Variants in AASS observed in about 807,000 individuals in gnomAD.
AASS encodes alpha-aminoadipic semialdehyde synthase, mitochondrial.
Under a neutral mutation model 105.4 loss-of-function variants are expected in AASS, and 86 were observed. The ratio of observed to expected loss-of-function variants is 0.82; its 90% CI spans 0.69 to 0.98. The LOEUF (loss-of-function observed/expected upper bound fraction) is 0.98. Among genes scored for constraint, AASS ranks in the 50% least tolerant of loss-of-function variants. AASS has a pLI of 0.00. For missense variants in AASS, 1,048 were observed against 1,143.2 expected (o/e 0.92, Z 1.20); for synonymous variants, 381 against 394.8 (o/e 0.96, Z 0.41).
At chr7:122,083,928 G>A (rs759538991) in intron 19 of AASS, among the ~76,000 whole-genome samples, 1 of 152,028 alleles carries the variant, frequency 6.6e-6, no homozygotes, top group Non-Finnish European at 1.5e-5. Context: ...TCATGATTAC[G>A]AACACTGTGA....
At position 122,098,864 on chromosome 7, in the gene AASS, T is replaced by G. The variant is rs570961716; in HGVS notation, c.1409A>C (p.Glu470Ala). ...KYIQTLRESRERAQSLSMGTR... is the reference protein window; with the variant it reads ...KYIQTLRESRARAQSLSMGTR... ...GCCCATTGAAAGTGACTGAGCACGT[T>G]CCCTATTTAAAAAAAAAAAAAAAAA... The change falls in exon 14 of 24, where the codon GAA (glutamate) becomes GCA (alanine). Residue 470 changes from glutamate to alanine, a missense_variant and splice_region_variant. Physicochemically the swap from Glu to Ala is moderately radical, Grantham distance 107. Coordinates refer to ENST00000417368, the MANE Select transcript of AASS (RefSeq NM_005763.4). 6.1e-6 allele frequency: 9 copies of G among 1,467,658 alleles called. No individual in the cohort carries two copies. Among genetic ancestry groups the G allele is most frequent in the Non-Finnish European group, 8.2e-6 (9 of 1,097,336 alleles). 90.9% of individuals were successfully genotyped at this position (1,467,658 alleles called of 1,614,324 possible).
intron 23 of AASS, among the ~76,000 whole-genome samples, chr7:122,077,269 T>C: frequency 6.6e-6 from 1 of 152,236 alleles, no homozygotes; most frequent in Non-Finnish European, 1.5e-5. Flanking sequence ...TGTGATCTTC[T>C]AGGGAGAGTG....
intron 15 of AASS, among the ~76,000 whole-genome samples, chr7:122,094,865 G>A (rs1221787406): frequency 6.6e-6 from 1 of 151,946 alleles, no homozygotes; most frequent in African/African-American, 2.4e-5. Flanking sequence ...TAATACATGG[G>A]CCATCTTGAC....
intron 4 of AASS, among the ~76,000 whole-genome samples, chr7:122,125,249 G>A (rs1795605821): frequency 6.6e-6 from 1 of 152,012 alleles, no homozygotes; most frequent in Non-Finnish European, 1.5e-5. Context: ...AGAATTTTTT[G>A]AATTTCACAT....
rs528018319 is a variant in AASS at position 122,074,099 on chromosome 7, G to A, written c.*2390C>T. Among the ~76,000 whole-genome samples, 51 of 152,186 alleles carry A rather than the reference G, an allele frequency of 3.4e-4. No individual in the cohort carries two copies. The East Asian group carries it at 8.3e-3, about 25-fold the overall frequency. On this transcript the variant is annotated 3_prime_UTR_variant, in exon 24 of 24. Transcript: ENST00000417368. Reference sequence around the variant, plus strand: ...TATATCACGTGGGTATCCACCAACAGTGCATGAGGGTTCCAATTTCTCTGC... The same window carrying A: ...TATATCACGTGGGTATCCACCAACAATGCATGAGGGTTCCAATTTCTCTGC...
chr7:122,078,483 G>A (rs547298029), intron 22 of AASS, among the ~76,000 whole-genome samples: 13 of 151,998 alleles, frequency 8.6e-5, no homozygotes, highest in South Asian at 2.1e-4. Context: ...ATGGTGGCAG[G>A]CAACTGTAGT....
At chr7:122,088,903 G>A (rs561346555) in intron 18 of AASS, among the ~76,000 whole-genome samples, 10 of 152,032 alleles carry the variant, frequency 6.6e-5, no homozygotes, top group South Asian at 2.1e-4. Context: ...CACTGTCTCC[G>A]AATATGTGGA....
At chr7:122,135,397 T>C (rs540822678) in intron 1 of AASS, among the ~76,000 whole-genome samples, 1 of 152,260 alleles carries the variant, frequency 6.6e-6, no homozygotes, top group East Asian at 1.9e-4. Flanking sequence ...CTGTTCACCT[T>C]TGTTGCTCTA....
intron 1 of AASS, among the ~76,000 whole-genome samples, chr7:122,142,091 C>T (rs1313035478): frequency 6.6e-6 from 1 of 152,156 alleles, no homozygotes; most frequent in African/African-American, 2.4e-5. Context: ...ATGGATACCT[C>T]AAAGGAATAC....
intron 4 of AASS, among the ~76,000 whole-genome samples, chr7:122,121,427 C>T (rs879226818): frequency 1.3e-5 from 2 of 152,118 alleles, no homozygotes; most frequent in Non-Finnish European, 2.9e-5. Context: ...AGTTAACTCA[C>T]TTTGTCACCC....
chr7:122,094,859 A>G (rs916484340), intron 15 of AASS, among the ~76,000 whole-genome samples: 3 of 152,050 alleles, frequency 2.0e-5, no homozygotes, highest in African/African-American at 7.2e-5. Context: ...ATAATGTAAT[A>G]CATGGGCCAT....
At chr7:122,137,918 T>A (rs992678705) in intron 1 of AASS, among the ~76,000 whole-genome samples, 1 of 152,020 alleles carries the variant, frequency 6.6e-6, no homozygotes, top group Non-Finnish European at 1.5e-5. Flanking sequence ...TGATAACAGC[T>A]TGTAACACAA....
At position 122,113,226 on chromosome 7, in the gene AASS, A is replaced by T. The variant is rs751112699; in HGVS notation, c.1170T>A (p.Val390=). The change falls in exon 11 of 24, where the codon GTT becomes GTA. Residue 390 remains valine (V), a synonymous_variant. Transcript: ENST00000417368. ...AACACATCAGGATCCCCGAGCCTTCAACACTAAAAGCAGCAATGTGGTTTA... is the reference window on the plus strand; with the variant it reads ...AACACATCAGGATCCCCGAGCCTTCTACACTAAAAGCAGCAATGTGGTTTA... ...DADQHIIHDS[V]EGSGILMCSI... is the part of the protein sequence containing the mutation. The T allele has an allele frequency of 8.7e-6, 14 of 1,613,712 alleles. No individual in the cohort carries two copies. Among genetic ancestry groups the T allele is most frequent in the South Asian group, 2.2e-5 (2 of 91,088 alleles).
chr7:122,136,766 C>CCATCAGGAGGAACATG (rs1427961674), intron 1 of AASS, among the ~76,000 whole-genome samples: 3 of 152,166 alleles, frequency 2.0e-5, no homozygotes, highest in Non-Finnish European at 4.4e-5. Flanking sequence ...ATTCTTGACT[C>CCATCAGGAGGAACATG]CATCAGGAGG....
At chr7:122,076,824 G>A (rs896275487) in intron 23 of AASS, among the ~76,000 whole-genome samples, 2 of 152,164 alleles carry the variant, frequency 1.3e-5, no homozygotes, top group Admixed American at 6.5e-5. Context: ...AAGCACAGCC[G>A]GACCTAGGGA....
chr7:122,128,731 T>C (rs1031072108), intron 3 of AASS, among the ~76,000 whole-genome samples: 1 of 152,216 alleles, frequency 6.6e-6, no homozygotes, highest in Admixed American at 6.5e-5. Flanking sequence ...CTAGTTTTTT[T>C]CATAGTATTT....
intron 15 of AASS, 55 bp downstream of exon 15, chr7:122,098,395 A>C: frequency 1.2e-6 from 2 of 1,602,162 alleles, no homozygotes; most frequent in Non-Finnish European, 1.7e-6. Flanking sequence ...AGAAAGAAAA[A>C]TGAGAAAAGA....
chr7:122,142,548 T>G (rs897235756), intron 1 of AASS, among the ~76,000 whole-genome samples: 1 of 152,202 alleles, frequency 6.6e-6, no homozygotes, highest in African/African-American at 2.4e-5. Context: ...TTCATCAAAT[T>G]TAAGACAATT....
At chr7:122,122,346 G>A (rs1305574667) in intron 4 of AASS, among the ~76,000 whole-genome samples, 2 of 152,128 alleles carry the variant, frequency 1.3e-5, no homozygotes, top group Admixed American at 6.5e-5. Flanking sequence ...AGTGACAGGT[G>A]GTGAACAAAT....
Sources: gnomAD v4.1 joint callset for allele counts (sites outside exome capture counted in the v4.1 genomes callset) on GRCh38, gnomAD v4.1.1 for gene constraint, MANE v1.5 for transcripts, NCBI Gene and HGNC (gene_info 2026-07-23, HGNC 2026-07-21) for gene names.